Variants in PTPRT observed in about 807,000 individuals in gnomAD.
PTPRT encodes receptor-type tyrosine-protein phosphatase T.
Under a neutral mutation model 176.8 loss-of-function variants are expected in PTPRT, and 56 were observed. The ratio of observed to expected loss-of-function variants is 0.32; its 90% CI spans 0.26 to 0.40. PTPRT has a LOEUF of 0.40. PTPRT is among the 10% of genes least tolerant of loss of function. The probability of loss-of-function intolerance (pLI) is 1.00; values close to 1 mark genes in which losing one functional copy is unlikely to be tolerated. For missense variants in PTPRT, 1,540 were observed against 1,908.2 expected, an observed-to-expected ratio of 0.81 and a Z score of 3.60; for synonymous variants, 783 against 739.0, an observed-to-expected ratio of 1.06 and a Z score of -0.96.
At chr20:42,540,839 T>C (rs1478022631) in intron 7 of PTPRT, among the ~76,000 whole-genome samples, 3 of 152,100 alleles carry the variant, frequency 2.0e-5, no homozygotes, top group African/African-American at 4.8e-5. Flanking sequence ...TAGCCAAAAT[T>C]AGGATATAAC....
intron 1 of PTPRT, among the ~76,000 whole-genome samples, chr20:43,150,718 A>T (rs2014323096): frequency 6.6e-6 from 1 of 151,742 alleles, no homozygotes; most frequent in Non-Finnish European, 1.5e-5. Context: ...CGGCTTCCCA[A>T]AGTGCTGGGA....
At chr20:42,191,841 G>A (rs1429236782) in intron 16 of PTPRT, among the ~76,000 whole-genome samples, 3 of 152,184 alleles carry the variant, frequency 2.0e-5, no homozygotes, top group South Asian at 2.1e-4. Flanking sequence ...ATGGAACCAG[G>A]TCTGGGCTTG....
chr20:42,179,997 C>T (rs1193535471), intron 16 of PTPRT, among the ~76,000 whole-genome samples: 1 of 152,184 alleles, frequency 6.6e-6, no homozygotes, highest in African/African-American at 2.4e-5. Context: ...ATCCTGGATG[C>T]GGTGGCTCCG....
At chr20:43,077,174 AGTGTAAGATT>A (rs1190544731) in intron 1 of PTPRT, among the ~76,000 whole-genome samples, 2 of 152,234 alleles carry the variant, frequency 1.3e-5, no homozygotes, top group African/African-American at 4.8e-5. Flanking sequence ...AGAAAAAAAG[AGTGTAAGATT>A]GTGGCAATCA....
rs1045646203 is a variant in PTPRT, at chr20:42,080,379, C to T, written c.*500G>A. ...TCACACTGGTCCAGACTGCAAATGT[C>T]TGGTGCCAGAGGCCCCTGAAGGAGG... On this transcript the variant is annotated 3_prime_UTR_variant, in exon 31 of 31. Coordinates refer to ENST00000373187, the MANE Select transcript of PTPRT (RefSeq NM_007050.6). 2.3e-4 allele frequency: 53 copies of T among 234,010 alleles called. No individual in the cohort carries two copies. Among genetic ancestry groups the T allele is most frequent in the Non-Finnish European group, 1.9e-4 (22 of 118,900 alleles). 14.5% of individuals were successfully genotyped at this position (234,010 alleles called of 1,614,324 possible).
At chr20:42,487,554 T>TG (rs61442625) in intron 7 of PTPRT, among the ~76,000 whole-genome samples, 2,164 of 152,256 alleles carry the variant, frequency 0.014, 53 homozygotes, top group South Asian at 0.093. Flanking sequence ...GTGGGCCCCA[T>TG]GTACTCATAA....
intron 8 of PTPRT, among the ~76,000 whole-genome samples, chr20:42,464,595 C>T (rs1321720868): frequency 6.6e-6 from 1 of 152,146 alleles, no homozygotes; most frequent in African/African-American, 2.4e-5. Context: ...ACTTGAAAAA[C>T]ATAATTGCAT....
At chr20:42,418,831 TC>T (rs1400298680) in intron 9 of PTPRT, among the ~76,000 whole-genome samples, 1 of 151,970 alleles carries the variant, frequency 6.6e-6, no homozygotes, top group Non-Finnish European at 1.5e-5. Context: ...TAGGACACCC[TC>T]CCCCGGCGGA....
At chr20:42,837,294 C>T (rs1054427703) in intron 2 of PTPRT, among the ~76,000 whole-genome samples, 2 of 152,206 alleles carry the variant, frequency 1.3e-5, no homozygotes, top group Non-Finnish European at 2.9e-5. Context: ...AACCCACAAC[C>T]CCTGACACTC....
At chr20:42,643,516 T>C (rs1387390580) in intron 7 of PTPRT, among the ~76,000 whole-genome samples, 1 of 151,176 alleles carries the variant, frequency 6.6e-6, no homozygotes, top group East Asian at 1.9e-4. Context: ...AAGGTTTTGC[T>C]ACGTTGCCCA....
intron 9 of PTPRT, among the ~76,000 whole-genome samples, chr20:42,404,988 A>ATATATATATATATATATATATATATG (rs2058946303): frequency 3.0e-5 from 4 of 135,040 alleles, no homozygotes; most frequent in Middle Eastern, 8.1e-3. Context: ...ATATATATAT[A>ATATATATATATATATATATATATATG]CACACACACA....
chr20:42,054,990 G>A, the PTPRT span, among the ~76,000 whole-genome samples: 3 of 152,308 alleles, frequency 2.0e-5, no homozygotes, highest in East Asian at 5.8e-4. Context: ...TTCTCTAGAC[G>A]ACGAGTTAGT....
intron 1 of PTPRT, among the ~76,000 whole-genome samples, chr20:42,911,223 T>G (rs1233235205): frequency 6.6e-6 from 1 of 152,118 alleles, no homozygotes; most frequent in Non-Finnish European, 1.5e-5. Context: ...TTGTGTGTCT[T>G]AGTACACACA....
chr20:42,254,038 C>T (rs1393596374), intron 13 of PTPRT, among the ~76,000 whole-genome samples: 1 of 152,116 alleles, frequency 6.6e-6, no homozygotes, highest in Non-Finnish European at 1.5e-5. Context: ...TTAAGCTCTA[C>T]TTCCCTCCCT....
the PTPRT span, among the ~76,000 whole-genome samples, chr20:42,057,728 AC>A: frequency 4.6e-5 from 7 of 152,072 alleles, no homozygotes; most frequent in African/African-American, 1.7e-4. Context: ...AGCTAGGACT[AC>A]AGATAAACAC....
rs11482189 is a variant in PTPRT, at chr20:43,016,552, C to CTTTTTTTT, written c.89-130628_89-130621dup. Among the ~76,000 whole-genome samples, 3 of 76,220 alleles carry CTTTTTTTT rather than the reference C, an allele frequency of 3.9e-5. 1 individual carries two copies. The highest frequency in any genetic ancestry group is 1.5e-4 in the Admixed American group (1 of 6,888). The allele number at this position is 76,220 out of a possible 152,430, so 50.0% of individuals were successfully genotyped here. ...CATTTCTCTAACTGCTCTAAGGCCA[C>CTTTTTTTT]TTTTTTTTTTTTTTTTTTTTTTTTT... On this transcript the variant is annotated intron_variant, in intron 1 of 30. Coordinates refer to ENST00000373187, the MANE Select transcript of PTPRT (RefSeq NM_007050.6).
chr20:42,940,262 C>T (rs1980455394), intron 1 of PTPRT, among the ~76,000 whole-genome samples: 1 of 152,160 alleles, frequency 6.6e-6, no homozygotes, highest in African/African-American at 2.4e-5. Context: ...GTATGTTATA[C>T]TTTACTGGCT....
chr20:42,569,081 A>AATATATAAATATATATATATATATAT (rs2073104057), intron 7 of PTPRT, among the ~76,000 whole-genome samples: 1 of 30,802 alleles, frequency 3.2e-5, no homozygotes, highest in African/African-American at 1.3e-4. Context: ...AAAAAAAAAA[A>AATATATAAATATATATATATATATAT]ATATATATAT....
intron 5 of PTPRT, among the ~76,000 whole-genome samples, chr20:42,762,539 C>A (rs1376598278): frequency 2.6e-5 from 4 of 152,224 alleles, no homozygotes; most frequent in African/African-American, 9.6e-5. Flanking sequence ...CAGTGCCCAG[C>A]TAAGAGGCGG....
Sources: allele counts gnomAD v4.1 joint callset (sites outside exome capture counted in the v4.1 genomes callset), GRCh38; gene constraint gnomAD v4.1.1; transcripts MANE v1.5; gene names NCBI Gene and HGNC (gene_info 2026-07-23, HGNC 2026-07-21).